SLIT2: variants seen among roughly 807,000 people sequenced by gnomAD.
The protein encoded by SLIT2 is slit guidance ligand 2.
In SLIT2, 41 loss-of-function variants were observed where a neutral mutation model predicts 185.7. That is an observed-to-expected ratio of 0.22 (90% CI 0.17 to 0.29). The LOEUF (loss-of-function observed/expected upper bound fraction) is 0.29. Ranked by LOEUF, SLIT2 falls within the 10% of genes least tolerant of loss-of-function variation. The pLI is 1.00. For missense variants in SLIT2, 1,571 were observed against 1,909.0 expected (o/e 0.82, Z 3.30); for synonymous variants, 693 against 680.2 (o/e 1.02, Z -0.29).
At chr4:20,472,788 G>T (rs1250034842) in intron 5 of SLIT2, among the ~76,000 whole-genome samples, 1 of 150,284 alleles carries the variant, frequency 6.7e-6, no homozygotes, top group Non-Finnish European at 1.5e-5. Context: ...TTAGAAAAAT[G>T]TTAAAATTAA....
At chr4:20,276,030 CTGTT>C (rs1159362034) in intron 4 of SLIT2, among the ~76,000 whole-genome samples, 1 of 152,036 alleles carries the variant, frequency 6.6e-6, no homozygotes, top group Non-Finnish European at 1.5e-5. Flanking sequence ...TAAGATTACT[CTGTT>C]AGCTTTGTAA....
intron 4 of SLIT2, among the ~76,000 whole-genome samples, chr4:20,351,345 G>A (rs571023858): frequency 1.3e-5 from 2 of 152,194 alleles, no homozygotes; most frequent in Non-Finnish European, 1.5e-5. Context: ...CACCACACCC[G>A]GCCTATAGTC....
intron 4 of SLIT2, among the ~76,000 whole-genome samples, chr4:20,406,887 C>T (rs955073371): frequency 2.8e-5 from 3 of 107,374 alleles, no homozygotes; most frequent in African/African-American, 5.2e-5. Context: ...TTGTTTAAAG[C>T]CCAGATGGAA....
At position 20,472,557 on chromosome 4, in the gene SLIT2, T is replaced by TCTATATCG. The variant is rs1577726959; in HGVS notation, c.467+4734_467+4735insCTATATCG. On this transcript the variant is annotated intron_variant, in intron 5 of 36. Transcript: ENST00000504154. ...AGATATATCTATATCTATATATAGATATATATCTATATATAGATATATCTA... is the reference window on the plus strand; with the variant it reads ...AGATATATCTATATCTATATATAGATCTATATCGATATATCTATATATAGATATATCTA... 1.1e-3 allele frequency among the ~76,000 whole-genome samples: 27 copies of TCTATATCG among 24,458 alleles called. 2 individuals carry two copies. The highest frequency in any genetic ancestry group is 1.5e-3 in the Non-Finnish European group (24 of 16,188). 16.0% of individuals were successfully genotyped at this position (24,458 alleles called of 152,430 possible).
At chr4:20,340,404 T>C (rs896271306) in intron 4 of SLIT2, among the ~76,000 whole-genome samples, 2 of 152,172 alleles carry the variant, frequency 1.3e-5, no homozygotes, top group African/African-American at 4.8e-5. Flanking sequence ...TTATGTATTA[T>C]AATCCTTTTA....
In SLIT2 at chr4:20,526,372, T is replaced by C. The variant is rs546897851; in HGVS notation, c.1462+1200T>C. ...AAAAGAACAGTTGATTGGCCTTCATTGACAATGTTTAATATTAATTACTTT... is the reference window on the plus strand; with the variant it reads ...AAAAGAACAGTTGATTGGCCTTCATCGACAATGTTTAATATTAATTACTTT... On this transcript the variant is annotated intron_variant, in intron 15 of 36. Coordinates refer to ENST00000504154, the MANE Select transcript of SLIT2 (RefSeq NM_004787.4). Among the ~76,000 whole-genome samples, 116 of 152,260 alleles carry C rather than the reference T, an allele frequency of 7.6e-4. 1 individual carries two copies. The highest frequency in any genetic ancestry group is 2.5e-3 in the African/African-American group (103 of 41,570).
intron 4 of SLIT2, among the ~76,000 whole-genome samples, chr4:20,454,356 T>G (rs970032473): frequency 6.6e-6 from 1 of 152,222 alleles, no homozygotes; most frequent in Non-Finnish European, 1.5e-5. Flanking sequence ...CCCTGATATA[T>G]ATTATTTACC....
rs1219657127 is a variant in SLIT2 at position 20,417,396 on chromosome 4, T to G, written c.396-50356T>G. 2.8e-5 allele frequency among the ~76,000 whole-genome samples: 4 copies of G among 144,850 alleles called. No homozygotes were observed. The Admixed American group carries it at 2.8e-4, about 10-fold the overall frequency. Reference sequence around the variant, plus strand: ...CCAGCTAGCTTCTACTTCAGGACTTTATATGCCTGCTTCCCGCAATCATAT... The same window carrying G: ...CCAGCTAGCTTCTACTTCAGGACTTGATATGCCTGCTTCCCGCAATCATAT... On this transcript the variant is annotated intron_variant, in intron 4 of 36. Transcript: ENST00000504154.
At chr4:20,564,305 T>C (rs1021755930) in intron 26 of SLIT2, among the ~76,000 whole-genome samples, 8 of 151,786 alleles carry the variant, frequency 5.3e-5, no homozygotes, top group African/African-American at 1.7e-4. Flanking sequence ...GAGAGCCAGA[T>C]GCAAAGAATA....
At chr4:20,513,563 G>C (rs145501829) in intron 11 of SLIT2, among the ~76,000 whole-genome samples, 1 of 152,326 alleles carries the variant, frequency 6.6e-6, no homozygotes, top group Non-Finnish European at 1.5e-5. Context: ...AGAGGGTCTA[G>C]AGATGCAGAG....
In SLIT2 at chr4:20,287,467, GT is replaced by G. The variant is rs532095204; in HGVS notation, c.395+18587del. On this transcript the variant is annotated intron_variant, in intron 4 of 36. Transcript: ENST00000504154. ...CCATCCCCTTTTTTGTTAACAGGAT[GT>G]CTTATACATCTCAAAGGAATGTTCT... Among the ~76,000 whole-genome samples the G allele has an allele frequency of 2.4e-3, 373 of 152,270 alleles. 2 individuals are homozygous for G. The highest frequency in any genetic ancestry group is 0.024 in the Middle Eastern group (7 of 294).
chr4:20,555,563 T>C (rs1274670262), intron 26 of SLIT2, among the ~76,000 whole-genome samples: 2 of 152,232 alleles, frequency 1.3e-5, no homozygotes, highest in East Asian at 1.9e-4. Flanking sequence ...GATTGTATTG[T>C]TATAACATTT....
intron 34 of SLIT2, among the ~76,000 whole-genome samples, chr4:20,611,549 G>A (rs1490766750): frequency 6.6e-6 from 1 of 152,206 alleles, no homozygotes; most frequent in Non-Finnish European, 1.5e-5. Flanking sequence ...TACTCAGCAA[G>A]TTGACTTATC....
chr4:20,405,533 C>A (rs945265610), intron 4 of SLIT2, among the ~76,000 whole-genome samples: 1 of 151,832 alleles, frequency 6.6e-6, no homozygotes, highest in Non-Finnish European at 1.5e-5. Flanking sequence ...TAGTGTCTGG[C>A]ACATAATAAT....
intron 34 of SLIT2, among the ~76,000 whole-genome samples, chr4:20,614,158 C>G (rs549140299): frequency 6.6e-6 from 1 of 152,248 alleles, no homozygotes; most frequent in East Asian, 1.9e-4. Flanking sequence ...CATGCATGAG[C>G]CACTGCGCTC....
At chr4:20,473,201 A>G (rs1010190498) in intron 5 of SLIT2, among the ~76,000 whole-genome samples, 1 of 141,316 alleles carries the variant, frequency 7.1e-6, no homozygotes, top group Non-Finnish European at 1.6e-5. Context: ...ATAAATAAAT[A>G]TATATTTTTC....
chr4:20,609,958 C>A, intron 33 of SLIT2, 55 bp from the exon 34 acceptor site: 6 of 1,516,914 alleles, frequency 4.0e-6, no homozygotes, highest in South Asian at 1.3e-5. Flanking sequence ...AATTTAACTA[C>A]CTTGCTTTAA....
At chr4:20,401,711 C>G (rs1334387679) in intron 4 of SLIT2, among the ~76,000 whole-genome samples, 3 of 151,742 alleles carry the variant, frequency 2.0e-5, no homozygotes, top group African/African-American at 7.3e-5. Flanking sequence ...TGTGTATGAT[C>G]CCAAATAGTG....
At chr4:20,291,447 C>CTTAT (rs1445810616) in intron 4 of SLIT2, among the ~76,000 whole-genome samples, 1 of 50,260 alleles carries the variant, frequency 2.0e-5, no homozygotes, top group African/African-American at 7.5e-5. Context: ...TAAGAAACCT[C>CTTAT]ATATATATAT....
Sources: allele counts gnomAD v4.1 joint callset (sites outside exome capture counted in the v4.1 genomes callset), GRCh38; gene constraint gnomAD v4.1.1; transcripts MANE v1.5; gene names NCBI Gene and HGNC (gene_info 2026-07-23, HGNC 2026-07-21).